The following CPAMD8 variants were observed in gnomAD, a reference collection of about 807,000 sequenced individuals.
CPAMD8 encodes C3 and PZP-like alpha-2-macroglobulin domain-containing protein 8.
In CPAMD8, 146 loss-of-function variants were observed where a neutral mutation model predicts 224.7. That is an observed-to-expected ratio of 0.65 (90% CI 0.57 to 0.75). The LOEUF is 0.75. CPAMD8 is among the 30% of genes least tolerant of loss of function. The pLI is 0.00. For synonymous variants in CPAMD8, 966 were observed against 1,044.6 expected, an observed-to-expected ratio of 0.92 and a Z score of 1.45; for missense variants, 2,301 against 2,537.5, an observed-to-expected ratio of 0.91 and a Z score of 2.00.
chr19:16,949,802 C>T (rs2054240518), intron 20 of CPAMD8, among the ~76,000 whole-genome samples: 1 of 152,192 alleles, frequency 6.6e-6, no homozygotes, highest in African/African-American at 2.4e-5. Flanking sequence ...CTGACTCAAA[C>T]ATCACCTGCA....
At chr19:16,938,630 A>G (rs934603086) in intron 22 of CPAMD8, among the ~76,000 whole-genome samples, 184 bp from the exon 23 acceptor site, 3 of 151,994 alleles carry the variant, frequency 2.0e-5, no homozygotes, top group Admixed American at 1.3e-4. Flanking sequence ...GGACAGGGCC[A>G]CCCACTTCCC....
At position 16,996,705 on chromosome 19, in the gene CPAMD8, G is replaced by C. The variant is rs2056134208; in HGVS notation, c.1095+406C>G. ...TTGGTAGTATGTTCCTGTAATCCCA[G>C]CTACTTGGGAGGCTGAGGCAGGAGA... is the stretch of plus-strand genomic sequence containing the variant. On this transcript the variant is annotated intron_variant, in intron 11 of 41. Transcript: ENST00000443236. Among the ~76,000 whole-genome samples the C allele has an allele frequency of 2.6e-5, 4 of 151,690 alleles. No homozygotes were observed. The South Asian group carries it at 8.3e-4, about 32-fold the overall frequency.
rs533227075 is a variant in CPAMD8 at position 16,908,446 on chromosome 19, A to G, written c.3862-1329T>C. Among the ~76,000 whole-genome samples the G allele has an allele frequency of 7.2e-5, 11 of 151,822 alleles. No individual in the cohort carries two copies. The South Asian group carries it at 1.7e-3, about 23-fold the overall frequency. ...CCCTCCCCAGCCTCCAGGCCTGGTC[A>G]CCTCCTTAGAGAAGCCCACCAGCCC... On this transcript the variant is annotated intron_variant, in intron 29 of 41. Coordinates refer to ENST00000443236, the MANE Select transcript of CPAMD8 (RefSeq NM_015692.5).
chr19:16,997,834 GAA>G (rs1001204415), intron 10 of CPAMD8, among the ~76,000 whole-genome samples: 1 of 141,992 alleles, frequency 7.0e-6, no homozygotes, highest in Non-Finnish European at 1.6e-5. Context: ...CCTGGGTTAA[GAA>G]AAAAAAAAAG....
intron 21 of CPAMD8, among the ~76,000 whole-genome samples, chr19:16,946,654 G>A (rs567885378): frequency 6.7e-6 from 1 of 150,348 alleles, no homozygotes; most frequent in African/African-American, 2.5e-5. Flanking sequence ...GGACATGTGT[G>A]TGGATTTGTG....
chr19:17,012,373 G>T (rs1342245401), intron 3 of CPAMD8, among the ~76,000 whole-genome samples: 2 of 134,988 alleles, frequency 1.5e-5, no homozygotes, highest in Non-Finnish European at 3.2e-5. Context: ...TTTCAGGCAG[G>T]GTTTATCTCT....
chr19:16,914,701 C>T lies in CPAMD8; in HGVS notation c.3742G>A (p.Gly1248Ser). 1 of 1,614,146 alleles carries T rather than the reference C, an allele frequency of 6.2e-7. No individual in the cohort carries two copies. The highest frequency in any genetic ancestry group is 8.5e-7 in the Non-Finnish European group (1 of 1,180,002). ...ACCCTGCCCACGGCCAGGAAGGAGC[C>T]ATCGGCCTGCTGCTGCTGGATGATC... is the stretch of plus-strand genomic sequence containing the variant. ...SWIIQQQQAD[G>S]SFLAVGRVLN... Residue 1248 changes from glycine (G) to serine (S), a missense_variant, in exon 28 of 42, where the codon GGC (glycine) becomes AGC (serine). Gly to Ser is a moderately conservative substitution (Grantham distance 56, BLOSUM62 0). Around this residue, in one of 4 missense-constraint regions of CPAMD8, gnomAD observed 1,709 missense variants for 1,753.2 expected, o/e 0.97. Transcript: ENST00000443236.
intron 17 of CPAMD8, among the ~76,000 whole-genome samples, chr19:16,972,670 G>A (rs1217059901): frequency 6.6e-6 from 1 of 151,956 alleles, no homozygotes; most frequent in African/African-American, 2.4e-5. Flanking sequence ...TCCTGACCTC[G>A]TGATCCGCCC....
Position 16,989,755 on chromosome 19 carries a change from A to C in CPAMD8, c.1283T>G (p.Leu428Arg), listed in dbSNP as rs2055874391. 6.2e-7 allele frequency: 1 copy of C among 1,614,058 alleles called. No homozygotes were observed. Among genetic ancestry groups the C allele is most frequent in the Non-Finnish European group, 8.5e-7 (1 of 1,179,924 alleles). Reference sequence around the variant, plus strand: ...CTGAGCCCCCACAGGCTTCCCGTTCAGTGCCATCACCTTGGTCTGAGAAGA... The same window carrying C: ...CTGAGCCCCCACAGGCTTCCCGTTCCGTGCCATCACCTTGGTCTGAGAAGA... ...HVWLETKVMA[L>R]NGKPVGAQYL... The change falls in exon 13 of 42, where the codon CTG (leucine) becomes CGG (arginine). Residue 428 changes from leucine to arginine, a missense_variant. Coordinates refer to ENST00000443236, the MANE Select transcript of CPAMD8 (RefSeq NM_015692.5).
Position 16,952,019 on chromosome 19 carries a change from G to A in CPAMD8, c.2458C>T (p.Gln820Ter), listed in dbSNP as rs761215909. The stretch of plus-strand genomic sequence containing the variant: ...TAGACACTGAGCGGGATCTTGACCT[G>A]CTCCCCACGGATGATGAGAGCGGGG... ...MLPALIIRGE[Q>*]VKIPLSVYNY... Residue 820 changes from glutamine to a stop codon, truncating the protein, a stop_gained, in exon 20 of 42, where the codon CAG (glutamine) becomes TAG (stop). Transcript: ENST00000443236. LOFTEE classifies it high-confidence loss of function. The A allele has an allele frequency of 1.3e-6, 2 of 1,583,988 alleles. No homozygotes were observed. The highest frequency in any genetic ancestry group is 1.8e-5 in the Admixed American group (1 of 55,602).
rs1360782228 is a variant in CPAMD8, at chr19:16,970,902, C to T, written c.2202G>A (p.Arg734=). 2 of 1,613,514 alleles carry T rather than the reference C, an allele frequency of 1.2e-6. No homozygotes were observed. The highest frequency in any genetic ancestry group is 1.7e-6 in the Non-Finnish European group (2 of 1,179,890). ...TGSLVAVAPS[R]HPPRTEKRKR... ...GTATAAGCCGTTACCTGGGGGGGTG[C>T]CTGGAAGGAGCCACTGCCACCAGGC... The change falls in exon 18 of 42, where the codon AGG becomes AGA. Residue 734 remains arginine, a synonymous_variant. Transcript: ENST00000443236.
intron 22 of CPAMD8, among the ~76,000 whole-genome samples, chr19:16,943,075 G>A (rs895108499): frequency 2.7e-5 from 4 of 146,574 alleles, no homozygotes; most frequent in African/African-American, 1.0e-4. Flanking sequence ...TGTTGCAAGA[G>A]TCCCTCTGTT....
chr19:16,971,979 G>A (rs560828958), intron 17 of CPAMD8, among the ~76,000 whole-genome samples: 73 of 152,074 alleles, frequency 4.8e-4, no homozygotes, highest in African/African-American at 7.0e-4. Context: ...CCCAGGAGGC[G>A]GAGGTTGCAG....
intron 18 of CPAMD8, among the ~76,000 whole-genome samples, chr19:16,958,858 G>A (rs2054558693): frequency 6.7e-6 from 1 of 148,674 alleles, no homozygotes; most frequent in Non-Finnish European, 1.5e-5. Context: ...GGAGTGCAAT[G>A]GCACAATCTC....
intron 3 of CPAMD8, among the ~76,000 whole-genome samples, chr19:17,013,947 C>T (rs1322796776): frequency 6.6e-6 from 1 of 150,558 alleles, no homozygotes; most frequent in Admixed American, 6.7e-5. Flanking sequence ...TCCCTCTCTC[C>T]CTCCCTTCCT....
chr19:16,959,197 G>A (rs2054571217), intron 18 of CPAMD8, among the ~76,000 whole-genome samples: 2 of 141,976 alleles, frequency 1.4e-5, no homozygotes, highest in African/African-American at 5.2e-5. Flanking sequence ...TTTTTGAGAT[G>A]GAGTCTTGCT....
Position 16,918,442 on chromosome 19 carries a change from CT to C in CPAMD8, c.3629+3462del, listed in dbSNP as rs869059553. On this transcript the variant is annotated intron_variant, in intron 27 of 41. Transcript: ENST00000443236. ...TTGGAACTTTGTGGAATTTTTAAAACTTTTTTTTTTTTTTTTTTTTTAAGAG... is the reference window on the plus strand; with the variant it reads ...TTGGAACTTTGTGGAATTTTTAAAACTTTTTTTTTTTTTTTTTTTTAAGAG... Among the ~76,000 whole-genome samples the C allele has an allele frequency of 7.3e-3, 287 of 39,398 alleles. 2 individuals are homozygous for C. Among genetic ancestry groups the C allele is most frequent in the East Asian group, 0.044 (48 of 1,090 alleles). 25.8% of individuals were successfully genotyped at this position (39,398 alleles called of 152,430 possible).
chr19:16,911,676 G>C (rs1023024673), intron 29 of CPAMD8, among the ~76,000 whole-genome samples: 7 of 152,280 alleles, frequency 4.6e-5, no homozygotes, highest in Admixed American at 2.6e-4. Context: ...CTCCCGAGTA[G>C]CTGGGACTAC....
rs1184529046 is a variant in CPAMD8 at position 16,914,460 on chromosome 19, C to T, written c.3825G>A (p.Val1275=). 2 of 1,614,198 alleles carry T rather than the reference C, an allele frequency of 1.2e-6. No homozygotes were observed. Residue 1275 remains valine, a synonymous_variant, in exon 29 of 42, where the codon GTG becomes GTA. Coordinates refer to ENST00000443236, the MANE Select transcript of CPAMD8 (RefSeq NM_015692.5). ...IHGTVPLTAY[V]VVALLETGTA... ...TGCCTGTTTCCAGGAGAGCAACCAC[C>T]ACGTAGGCTGTCAGCGGGACAGTGC...
Sources: gnomAD v4.1 joint callset for allele counts (sites outside exome capture counted in the v4.1 genomes callset) on GRCh38, gnomAD v4.1.1 for gene constraint, gnomAD v4.1.1 regional missense constraint, MANE v1.5 for transcripts, NCBI Gene and HGNC (gene_info 2026-07-23, HGNC 2026-07-21) for gene names.